Variants in ARHGDIB observed in about 807,000 individuals in gnomAD.
ARHGDIB encodes Rho GDP dissociation inhibitor beta, also known as rho GDP-dissociation inhibitor 2.
In ARHGDIB, 20 loss-of-function variants were observed where a neutral mutation model predicts 22.6. That is an observed-to-expected ratio of 0.88 (90% CI 0.62 to 1.28). The LOEUF is 1.28. Among genes scored for constraint, ARHGDIB ranks in the 50% most tolerant of loss-of-function variants. The probability of loss-of-function intolerance (pLI) is 0.00; values close to 1 mark genes in which losing one functional copy is unlikely to be tolerated. For missense variants in ARHGDIB, 254 were observed against 245.4 expected (o/e 1.04, Z -0.23); for synonymous variants, 114 against 96.1 (o/e 1.19, Z -1.09).
Position 14,953,870 on chromosome 12 carries a change from CCTTT to C in ARHGDIB, c.-12-3150_-12-3147del, listed in dbSNP as rs201699541. Among the ~76,000 whole-genome samples the C allele has an allele frequency of 8.2e-3, 1,222 of 149,508 alleles. 15 individuals are homozygous for C. The highest frequency in any genetic ancestry group is 0.017 in the Middle Eastern group (5 of 290). Reference sequence around the variant, plus strand: ...CTTTCTCTCTCTTTCTCTCTTTCTCCCTTTCTTTCTTTGTCTCTCTCTCTCCCTT... The same window carrying C: ...CTTTCTCTCTCTTTCTCTCTTTCTCCCTTTCTTTGTCTCTCTCTCTCCCTT... On this transcript the variant is annotated intron_variant, in intron 1 of 5. Coordinates refer to ENST00000228945, the MANE Select transcript of ARHGDIB (RefSeq NM_001175.7).
intron 2 of ARHGDIB, 49 bp downstream of exon 2, chr12:14,950,483 C>A (rs780429181): frequency 1.3e-6 from 2 of 1,532,692 alleles, no homozygotes; most frequent in African/African-American, 2.8e-5. Context: ...AAAATGTCTT[C>A]TTCCCTCTCA....
chr12:14,943,924 C>A (rs2120671820), intron 5 of ARHGDIB, among the ~76,000 whole-genome samples: 1 of 152,226 alleles, frequency 6.6e-6, no homozygotes, highest in Admixed American at 6.5e-5. Context: ...ACTTTTTTTT[C>A]ATGAGACTAG....
chr12:14,960,547 A>T (rs908541124), intron 1 of ARHGDIB, among the ~76,000 whole-genome samples: 3 of 152,192 alleles, frequency 2.0e-5, no homozygotes, highest in African/African-American at 7.2e-5. Context: ...CTTGTTGCCC[A>T]TGCTGGAGTG....
rs570305182 is a variant in ARHGDIB, at chr12:14,952,220, C to T, written c.-12-1496G>A. ...TGAGTTTCAATGTCACTATTATTGG[C>T]AAGAGGAAGAAAAATAATTTGGAAG... is the stretch of plus-strand genomic sequence containing the variant. On this transcript the variant is annotated intron_variant, in intron 1 of 5. Transcript: ENST00000228945. Among the ~76,000 whole-genome samples, 4 of 123,284 alleles carry T rather than the reference C, an allele frequency of 3.2e-5. No homozygotes were observed. In the South Asian group the frequency reaches 9.9e-4, roughly 31 times the overall value. The allele number at this position is 123,284 out of a possible 152,430, so 80.9% of individuals were successfully genotyped here. A position where few individuals can be genotyped will look rare whatever the true frequency, so the allele number is the denominator to read the frequency against.
intron 1 of ARHGDIB, among the ~76,000 whole-genome samples, chr12:14,960,534 G>A (rs772291271): frequency 2.6e-4 from 39 of 152,018 alleles, no homozygotes; most frequent in Non-Finnish European, 4.7e-4. Flanking sequence ...CCAGAGTTTC[G>A]CTCTTGTTGC....
chr12:14,954,415 C>T (rs990004558), intron 1 of ARHGDIB, among the ~76,000 whole-genome samples: 1 of 152,242 alleles, frequency 6.6e-6, no homozygotes, highest in African/African-American at 2.4e-5. Flanking sequence ...GACCACAAAG[C>T]CTGGCAGAGA....
chr12:14,952,874 G>A (rs1473595295), intron 1 of ARHGDIB, among the ~76,000 whole-genome samples: 1 of 152,174 alleles, frequency 6.6e-6, no homozygotes, highest in Non-Finnish European at 1.5e-5. Flanking sequence ...CCATCAGATG[G>A]TAACATTACA....
intron 4 of ARHGDIB, among the ~76,000 whole-genome samples, chr12:14,947,274 G>A (rs1438396664): frequency 1.3e-5 from 2 of 152,186 alleles, no homozygotes; most frequent in Non-Finnish European, 2.9e-5. Context: ...TATATTAGAT[G>A]TCAGTTTATT....
chr12:14,953,897 C>CTTCT (rs1012861038), intron 1 of ARHGDIB, among the ~76,000 whole-genome samples: 1 of 150,634 alleles, frequency 6.6e-6, no homozygotes, highest in Non-Finnish European at 1.5e-5. Context: ...CTCTCTCTCC[C>CTTCT]TTCTTTCTTT....
At chr12:14,943,577 A>G (rs1863934793) in intron 5 of ARHGDIB, among the ~76,000 whole-genome samples, 1 of 152,196 alleles carries the variant, frequency 6.6e-6, no homozygotes, top group South Asian at 2.1e-4. Flanking sequence ...CTGTCATTCT[A>G]TGAACATATC....
chr12:14,949,877 C>G lies in ARHGDIB; in HGVS notation c.190G>C (p.Ala64Pro). 1.2e-6 allele frequency: 2 copies of G among 1,613,178 alleles called. No individual in the cohort carries two copies. Among genetic ancestry groups the G allele is most frequent in the Non-Finnish European group, 1.7e-6 (2 of 1,179,532 alleles). Residue 64 changes from alanine to proline, a missense_variant, in exon 3 of 6, where the codon GCC becomes CCC. Ala to Pro is a conservative substitution (Grantham distance 27, BLOSUM62 -1). Coordinates refer to ENST00000228945, the MANE Select transcript of ARHGDIB (RefSeq NM_001175.7). ...GDGPVVTDPK[A>P]PNVVVTRLTL... Reference sequence around the variant, plus strand: ...AGCCGGGTGACAACGACATTGGGGGCTTTCGGATCTGCAGGATCGAAAGGG... The same window carrying G: ...AGCCGGGTGACAACGACATTGGGGGGTTTCGGATCTGCAGGATCGAAAGGG...
chr12:14,946,878 G>C (rs930978130), intron 4 of ARHGDIB, among the ~76,000 whole-genome samples: 3 of 152,146 alleles, frequency 2.0e-5, no homozygotes, highest in African/African-American at 7.2e-5. Flanking sequence ...CAAACCTTCA[G>C]GTGCTCCAAT....
At chr12:14,953,011 G>C (rs1346739536) in intron 1 of ARHGDIB, among the ~76,000 whole-genome samples, 1 of 152,136 alleles carries the variant, frequency 6.6e-6, no homozygotes, top group Non-Finnish European at 1.5e-5. Context: ...TTAGGTATAG[G>C]ACAAGATTTG....
At chr12:14,943,772 A>G (rs1359480757) in intron 5 of ARHGDIB, among the ~76,000 whole-genome samples, 6 of 152,210 alleles carry the variant, frequency 3.9e-5, no homozygotes, top group Non-Finnish European at 8.8e-5. Flanking sequence ...TGGGCATTGA[A>G]AAGTATACAT....
chr12:14,953,883 G>A lies in ARHGDIB; in HGVS notation c.-12-3159C>T, dbSNP rs192901708. Among the ~76,000 whole-genome samples the A allele has an allele frequency of 2.1e-5, 3 of 140,604 alleles. No individual in the cohort carries two copies. The East Asian group carries it at 6.3e-4, about 29-fold the overall frequency. The allele number at this position is 140,604 out of a possible 152,430, so 92.2% of individuals were successfully genotyped here. A position where few individuals can be genotyped will look rare whatever the true frequency, so the allele number is the denominator to read the frequency against. On this transcript the variant is annotated intron_variant, in intron 1 of 5. Transcript: ENST00000228945. ...TCTCTCTTTCTCCCTTTCTTTCTTT[G>A]TCTCTCTCTCTCCCTTCTTTCTTTC...
At chr12:14,946,080 T>A (rs996554181) in intron 4 of ARHGDIB, among the ~76,000 whole-genome samples, 1 of 152,230 alleles carries the variant, frequency 6.6e-6, no homozygotes, top group African/African-American at 2.4e-5. Context: ...CTTCAGTGGG[T>A]CCATTTAATA....
intron 3 of ARHGDIB, chr12:14,948,908 T>A (rs1864095979): frequency 6.6e-6 from 1 of 152,512 alleles, no homozygotes; most frequent in Non-Finnish European, 1.5e-5. Context: ...CCTGCTCTAA[T>A]GATTTCAGTT....
In ARHGDIB at chr12:14,957,730, C is replaced by T. The variant is rs541601175; in HGVS notation, c.-13+3807G>A. On this transcript the variant is annotated intron_variant, in intron 1 of 5. Coordinates refer to ENST00000228945, the MANE Select transcript of ARHGDIB (RefSeq NM_001175.7). ...CAAAATACCACAGAGACTTAACTCA[C>T]GGCCCAAAGCTGGATCTGCAAAATT... Among the ~76,000 whole-genome samples, 8 of 152,166 alleles carry T rather than the reference C, an allele frequency of 5.3e-5. No homozygotes were observed. The East Asian group carries it at 9.7e-4, about 18-fold the overall frequency.
chr12:14,949,667 A>G lies in ARHGDIB; in HGVS notation c.265+135T>C, dbSNP rs1032316029. 3 of 761,588 alleles carry G rather than the reference A, an allele frequency of 3.9e-6. No individual in the cohort carries two copies. The African/African-American group carries it at 5.2e-5, about 13-fold the overall frequency. 47.2% of individuals were successfully genotyped at this position (761,588 alleles called of 1,614,324 possible). A position where few individuals can be genotyped will look rare whatever the true frequency, so the allele number is the denominator to read the frequency against. On this transcript the variant is annotated intron_variant, in intron 3 of 5. Coordinates refer to ENST00000228945, the MANE Select transcript of ARHGDIB (RefSeq NM_001175.7). ...GTAAATACTGTGCACTCTAAGAGCA[A>G]TGATTTGTTAACTGGTCCTAGCATA...
Sources: allele counts gnomAD v4.1 joint callset (sites outside exome capture counted in the v4.1 genomes callset), GRCh38; gene constraint gnomAD v4.1.1; transcripts MANE v1.5; gene names NCBI Gene and HGNC (gene_info 2026-07-23, HGNC 2026-07-21).